Variants in NOMO1 observed in about 807,000 individuals in gnomAD.
NOMO1 encodes nodal modulator 3.
Under a neutral mutation model 133.8 loss-of-function variants are expected in NOMO1, and 40 were observed. The ratio of observed to expected loss-of-function variants is 0.30; its 90% confidence interval spans 0.23 to 0.39. NOMO1 has a LOEUF of 0.39. Among genes scored for constraint, NOMO1 ranks in the 10% least tolerant of loss-of-function variants. The pLI is 1.00. For missense variants in NOMO1, 462 were observed against 1,419.9 expected, an observed-to-expected ratio of 0.33 and a Z score of 10.84; for synonymous variants, 236 against 570.5, an observed-to-expected ratio of 0.41 and a Z score of 8.36.
intron 2 of NOMO1, among the ~76,000 whole-genome samples, chr16:14,839,807 T>C (rs964881611): frequency 1.3e-5 from 2 of 151,328 alleles, no homozygotes; most frequent in African/African-American, 4.9e-5. Flanking sequence ...AGTGGCGCGA[T>C]CTCGGCTCAC....
At chr16:14,876,222 CG>C in intron 20 of NOMO1, 136 bp from the exon 21 acceptor site, 2 of 1,131,502 alleles carry the variant, frequency 1.8e-6, no homozygotes, top group Non-Finnish European at 2.6e-6. Flanking sequence ...TTGAGCTCCC[CG>C]GGGTGTTAAA....
Position 14,846,584 on chromosome 16 carries a change from G to A in NOMO1, c.410G>A (p.Ser137Asn). The A allele has an allele frequency of 9.2e-7, 1 of 1,089,746 alleles. No individual in the cohort carries two copies. Among genetic ancestry groups the A allele is most frequent in the Non-Finnish European group, 1.3e-6 (1 of 759,448 alleles). The allele number at this position is 1,089,746 out of a possible 1,614,324, so 67.5% of individuals were successfully genotyped here. ...CTTTCTTCTCCATGGCAGGTCCTCA[G>A]CAAAGGGCAGCCCCTGGGTCCTGCG... ...TGFSVNGKVL[S>N]KGQPLGPAGV... The change falls in exon 5 of 31, where the codon AGC becomes AAC. Residue 137 changes from serine to asparagine, a missense_variant. Transcript: ENST00000287667.
chr16:14,858,869 G>C (rs922165167), intron 11 of NOMO1, among the ~76,000 whole-genome samples: 8 of 152,048 alleles, frequency 5.3e-5, no homozygotes, highest in African/African-American at 1.7e-4. Flanking sequence ...GGCTTGCCTT[G>C]TAGGGAAGTC....
In NOMO1 at chr16:14,867,507, T is replaced by C. The variant is rs1276513810; in HGVS notation, c.1806+816T>C. The stretch of plus-strand genomic sequence containing the variant: ...GTGAGCCATTGTGCCCCACCTTCTC[T>C]GGTGTATTTGTTCCAGTGCAGGGGA... On this transcript the variant is annotated intron_variant, in intron 15 of 30. Coordinates refer to ENST00000287667, the MANE Select transcript of NOMO1 (RefSeq NM_014287.4). 3.9e-5 allele frequency among the ~76,000 whole-genome samples: 3 copies of C among 77,510 alleles called. 1 individual carries two copies. The highest frequency in any genetic ancestry group is 9.6e-5 in the Non-Finnish European group (3 of 31,146). 50.8% of individuals were successfully genotyped at this position (77,510 alleles called of 152,430 possible). A position where few individuals can be genotyped will look rare whatever the true frequency, so the allele number is the denominator to read the frequency against.
At position 14,853,529 on chromosome 16, in the gene NOMO1, G is replaced by A. The variant is rs375969032; in HGVS notation, c.798G>A (p.Val266=). 1.1e-4 allele frequency: 170 copies of A among 1,605,004 alleles called. No homozygotes were observed. Among genetic ancestry groups the A allele is most frequent in the Non-Finnish European group, 1.4e-4 (165 of 1,178,020 alleles). Residue 266 remains valine (V), a synonymous_variant, in exon 8 of 31, where the codon GTG becomes GTA. Transcript: ENST00000287667. ...TCCAGCCCCAAGACGAGAGTCTGGT[G>A]TATTTGTGCTACACGGTCTCCAGAG... ...PGFQPQDESL[V]YLCYTVSRED...
At chr16:14,875,978 C>T (rs1424719127) in intron 20 of NOMO1, among the ~76,000 whole-genome samples, 3 of 148,604 alleles carry the variant, frequency 2.0e-5, no homozygotes, top group African/African-American at 4.9e-5. Context: ...AAGAGCGTGA[C>T]TTCTAGCAGG....
Position 14,895,054 on chromosome 16 carries a change from G to A in NOMO1, c.3501G>A (p.Thr1167=), listed in dbSNP as rs199974584. The A allele has an allele frequency of 2.5e-4, 408 of 1,609,498 alleles. No individual in the cohort carries two copies. The South Asian group carries it at 4.1e-3, about 16-fold the overall frequency. The part of the protein sequence containing the change: ...AQGSYIALPL[T]LLVLLAGYNH... ...GATCCTACATTGCCCTGCCATTGACGCTGCTGGTTCTGCTGGCCGGTTACA... is the reference window on the plus strand; with the variant it reads ...GATCCTACATTGCCCTGCCATTGACACTGCTGGTTCTGCTGGCCGGTTACA... Residue 1167 remains threonine (T), a synonymous_variant, in exon 30 of 31, where the codon ACG becomes ACA. Coordinates refer to ENST00000287667, the MANE Select transcript of NOMO1 (RefSeq NM_014287.4).
chr16:14,873,784 C>G (rs1964112323), intron 18 of NOMO1, among the ~76,000 whole-genome samples: 2 of 151,906 alleles, frequency 1.3e-5, no homozygotes, highest in Non-Finnish European at 2.9e-5. Flanking sequence ...CAGAGCCACT[C>G]GGATTCCCCC....
intron 6 of NOMO1, among the ~76,000 whole-genome samples, chr16:14,850,323 C>G (rs1222040908): frequency 6.6e-6 from 1 of 151,824 alleles, no homozygotes; most frequent in African/African-American, 2.4e-5. Context: ...AGACGCTGTT[C>G]AAAATGATAC....
chr16:14,875,127 G>T lies in NOMO1; in HGVS notation c.2146G>T (p.Ala716Ser), dbSNP rs1336651880. The T allele has an allele frequency of 9.9e-6, 16 of 1,613,702 alleles. 1 individual carries two copies. Among genetic ancestry groups the T allele is most frequent in the African/African-American group, 4.0e-5 (3 of 74,810 alleles). ...GGAGCAGCAGCTGGCTGAGATCGAG[G>T]CCCGCAGGCAGGAGAGGGAGAAAAA... ...RREQQLAEIE[A>S]RRQEREKNGN... The change falls in exon 19 of 31, where the codon GCC becomes TCC. Residue 716 changes from alanine to serine, a missense_variant. Coordinates refer to ENST00000287667, the MANE Select transcript of NOMO1 (RefSeq NM_014287.4).
chr16:14,882,787 A>T, intron 26 of NOMO1, 110 bp downstream of exon 26: 1 of 1,555,760 alleles, frequency 6.4e-7, no homozygotes, highest in South Asian at 1.2e-5. Context: ...GGGAACTTTC[A>T]TCCTAATTAA....
rs1212095930 is a variant in NOMO1 at position 14,875,020 on chromosome 16, G to C, written c.2055-16G>C. On this transcript the variant is annotated splice_polypyrimidine_tract_variant and intron_variant, in intron 18 of 30. Coordinates refer to ENST00000287667, the MANE Select transcript of NOMO1 (RefSeq NM_014287.4). ...AAGGATACGCAACTATGTCCTAGGG[G>C]CCGTCTTTCTTCTAGGTCTTCCATC... The C allele has an allele frequency of 1.9e-6, 3 of 1,613,668 alleles. No individual in the cohort carries two copies. The African/African-American group carries it at 4.0e-5, about 22-fold the overall frequency.
chr16:14,883,207 G>A (rs1964270270), intron 26 of NOMO1, among the ~76,000 whole-genome samples: 1 of 152,006 alleles, frequency 6.6e-6, no homozygotes, highest in African/African-American at 2.4e-5. Context: ...CTCTCATTGG[G>A]AAGACTAGAG....
At chr16:14,862,935 G>C in intron 11 of NOMO1, 78 bp from the exon 12 acceptor site, 1 of 1,605,256 alleles carries the variant, frequency 6.2e-7, no homozygotes, top group Non-Finnish European at 8.5e-7. Flanking sequence ...GGAGAGGGCT[G>C]CATCTTTTTT....
In NOMO1 at chr16:14,881,558, T is replaced by G; in HGVS notation, c.2900T>G (p.Val967Gly). 2 of 1,609,178 alleles carry G rather than the reference T, an allele frequency of 1.2e-6. No individual in the cohort carries two copies. The highest frequency in any genetic ancestry group is 1.7e-6 in the Non-Finnish European group (2 of 1,178,400). Reference sequence around the variant, plus strand: ...TGCCATACTAGTTGCTATGGCACAGTGTCTTCCTTAAACGGAGAGCCCGAA... The same window carrying G: ...TGCCATACTAGTTGCTATGGCACAGGGTCTTCCTTAAACGGAGAGCCCGAA... ...YRTAYSCYGTVSSLNGEPEQG... is the reference protein window; with the variant it reads ...YRTAYSCYGTGSSLNGEPEQG... Residue 967 changes from valine (V) to glycine (G), a missense_variant, in exon 25 of 31, where the codon GTG (valine) becomes GGG (glycine). Physicochemically the swap from Val to Gly is moderately radical, Grantham distance 109. Coordinates refer to ENST00000287667, the MANE Select transcript of NOMO1 (RefSeq NM_014287.4).
At chr16:14,856,845 C>T (rs566099685) in intron 9 of NOMO1, among the ~76,000 whole-genome samples, 3 of 151,004 alleles carry the variant, frequency 2.0e-5, no homozygotes, top group East Asian at 2.0e-4. Context: ...AAAGTGATGC[C>T]GGGGTGTGCA....
At position 14,880,075 on chromosome 16, in the gene NOMO1, C is replaced by T. The variant is rs150455601; in HGVS notation, c.2818C>T (p.Gln940Ter). 1.7e-5 allele frequency: 28 copies of T among 1,610,950 alleles called. No homozygotes were observed. In the African/African-American group the frequency reaches 3.6e-4, roughly 21 times the overall value. The stretch of plus-strand genomic sequence containing the variant: ...GGAGTTCCGGTTTGAGCCATCCTCA[C>T]AGATGATCGAGGTGCAGGAAGGCCA... ...MKEFRFEPSS[Q>*]MIEVQEGQNL... Residue 940 changes from glutamine (Q) to a stop codon, truncating the protein, a stop_gained, in exon 24 of 31, where the codon CAG (glutamine) becomes TAG (stop). Transcript: ENST00000287667. LOFTEE classifies it high-confidence loss of function.
intron 1 of NOMO1, among the ~76,000 whole-genome samples, chr16:14,835,400 G>A (rs1457100947): frequency 3.3e-5 from 5 of 151,094 alleles, no homozygotes; most frequent in Non-Finnish European, 4.4e-5. Context: ...CGCGTTCAGG[G>A]TGGTATGGCT....
intron 1 of NOMO1, among the ~76,000 whole-genome samples, chr16:14,835,756 G>A (rs1347069838): frequency 1.1e-3 from 164 of 150,800 alleles, no homozygotes; most frequent in African/African-American, 3.9e-3. Context: ...AAATAATCAT[G>A]ATATTTCACG....
Sources: allele counts gnomAD v4.1 joint callset (sites outside exome capture counted in the v4.1 genomes callset), GRCh38; gene constraint gnomAD v4.1.1; transcripts MANE v1.5; gene names NCBI Gene and HGNC (gene_info 2026-07-23, HGNC 2026-07-21).